Variants in MKLN1 observed in about 807,000 individuals in gnomAD.
MKLN1 encodes the protein muskelin 1.
In MKLN1, 18 loss-of-function variants were observed where a neutral mutation model predicts 99.0. The observed-to-expected ratio is 0.18, with a 90% confidence interval of 0.13 to 0.27. MKLN1 has a LOEUF of 0.27. Ranked by LOEUF, MKLN1 falls within the 10% of genes least tolerant of loss-of-function variation. The pLI is 1.00. For missense variants in MKLN1, 621 were observed against 875.9 expected, an observed-to-expected ratio of 0.71 and a Z score of 3.67; for synonymous variants, 288 against 293.2, an observed-to-expected ratio of 0.98 and a Z score of 0.18.
intron 3 of MKLN1, among the ~76,000 whole-genome samples, chr7:131,207,188 G>A (rs995871396): frequency 6.6e-6 from 1 of 152,074 alleles, no homozygotes; most frequent in African/African-American, 2.4e-5. Context: ...GATTCTATGT[G>A]TGTTATTTAT....
chr7:131,131,380 TAA>T (rs1795549318), intron 1 of MKLN1, among the ~76,000 whole-genome samples: 1 of 152,010 alleles, frequency 6.6e-6, no homozygotes, highest in African/African-American at 2.4e-5. Context: ...TGTCTCAAAT[TAA>T]AAAGTGCAGA....
chr7:131,345,180 A>T (rs1799522757), intron 1 of MKLN1, among the ~76,000 whole-genome samples: 1 of 152,228 alleles, frequency 6.6e-6, no homozygotes, highest in Admixed American at 6.5e-5. Context: ...TGGTAAAAAA[A>T]ATTAGTAGTA....
chr7:131,162,440 G>A (rs1796069238), intron 2 of MKLN1, among the ~76,000 whole-genome samples: 2 of 152,156 alleles, frequency 1.3e-5, no homozygotes, highest in South Asian at 4.1e-4. Flanking sequence ...TGAGCGTCAG[G>A]AATGATGTTG....
chr7:131,168,986 A>C (rs1796176831), intron 2 of MKLN1, among the ~76,000 whole-genome samples: 1 of 151,638 alleles, frequency 6.6e-6, no homozygotes, highest in Non-Finnish European at 1.5e-5. Context: ...GTGTGCCTTA[A>C]CCTCCCCAGT....
At chr7:131,248,901 A>C (rs954066748) in intron 3 of MKLN1, among the ~76,000 whole-genome samples, 1 of 152,222 alleles carries the variant, frequency 6.6e-6, no homozygotes, top group Non-Finnish European at 1.5e-5. Flanking sequence ...GAATCCATAT[A>C]CATTCAAGTC....
rs372969120 is a variant in MKLN1 at position 131,472,880 on chromosome 7, G to A, written c.2031+1936G>A. ...GTAGAATTGCATGAACCCGGGATGC[G>A]GAGCTTGCAGTGAGCTGAGATCGTG... On this transcript the variant is annotated intron_variant, in intron 16 of 17. Coordinates refer to ENST00000352689, the MANE Select transcript of MKLN1 (RefSeq NM_013255.5). 1.0e-3 allele frequency among the ~76,000 whole-genome samples: 155 copies of A among 150,778 alleles called. 1 individual carries two copies. Among genetic ancestry groups the A allele is most frequent in the African/African-American group, 3.6e-3 (148 of 41,014 alleles).
rs1212533786 is a variant in MKLN1, at chr7:131,218,395, T to C, written c.-179+15421T>C. 2.6e-5 allele frequency among the ~76,000 whole-genome samples: 4 copies of C among 152,316 alleles called. No homozygotes were observed. In the East Asian group the frequency reaches 7.7e-4, roughly 29 times the overall value. On this transcript the variant is annotated intron_variant, in intron 3 of 7. Transcript: ENST00000416992. ...TGTCACAATTCTAACCTTGTGGACT[T>C]ACGTTAGTTATATGAAAGTGGTTTT...
intron 3 of MKLN1, among the ~76,000 whole-genome samples, chr7:131,259,856 G>T (rs1797708064): frequency 6.6e-6 from 1 of 152,128 alleles, no homozygotes; most frequent in Admixed American, 6.6e-5. Context: ...AGCCAGAGCA[G>T]TCAGGCAAGA....
At position 131,411,395 on chromosome 7, in the gene MKLN1, C is replaced by T; in HGVS notation, c.781+12C>T. The T allele has an allele frequency of 1.3e-6, 2 of 1,564,044 alleles. No homozygotes were observed. Among genetic ancestry groups the T allele is most frequent in the South Asian group, 1.1e-5 (1 of 89,936 alleles). On this transcript the variant is annotated intron_variant, in intron 7 of 17. Coordinates refer to ENST00000352689, the MANE Select transcript of MKLN1 (RefSeq NM_013255.5). Reference sequence around the variant, plus strand: ...CAAAAGTACCAAAGGTAAGCCATACCTTCTAGATTGTAGTTCTTTTTCATT... The same window carrying T: ...CAAAAGTACCAAAGGTAAGCCATACTTTCTAGATTGTAGTTCTTTTTCATT...
chr7:131,422,596 CT>C (rs1253913656), intron 8 of MKLN1, among the ~76,000 whole-genome samples: 3 of 152,116 alleles, frequency 2.0e-5, no homozygotes, highest in Non-Finnish European at 4.4e-5. Context: ...TAGAGTAAAA[CT>C]TCATAAAGTT....
At chr7:131,204,239 A>C (rs553912528) in intron 3 of MKLN1, among the ~76,000 whole-genome samples, 2 of 152,318 alleles carry the variant, frequency 1.3e-5, no homozygotes, top group Admixed American at 6.5e-5. Flanking sequence ...ATCTTGGTCT[A>C]CTTGGGGAAT....
intron 1 of MKLN1, among the ~76,000 whole-genome samples, chr7:131,339,592 G>C (rs1029887681): frequency 6.6e-6 from 1 of 151,988 alleles, no homozygotes; most frequent in East Asian, 1.9e-4. Context: ...CCAGCTGTTT[G>C]GGAGGCTGAG....
At chr7:131,397,150 GC>G in intron 4 of MKLN1, 116 bp from the exon 5 acceptor site, 1 of 646,852 alleles carries the variant, frequency 1.5e-6, no homozygotes, top group Non-Finnish European at 2.6e-6. Flanking sequence ...TATAAAAGAT[GC>G]CCAGAAAATT....
chr7:131,396,003 G>A (rs1794347925), intron 4 of MKLN1, among the ~76,000 whole-genome samples: 1 of 151,634 alleles, frequency 6.6e-6, no homozygotes, highest in South Asian at 2.1e-4. Context: ...GGTTATTGTA[G>A]GTATAGGAAA....
upstream of MKLN1, chr7:131,327,721 G>A (rs1175403645): frequency 8.6e-7 from 1 of 1,164,036 alleles, no homozygotes; most frequent in East Asian, 2.7e-5. Flanking sequence ...GTCAAGGAGC[G>A]AGCGACGTGG....
intron 3 of MKLN1, among the ~76,000 whole-genome samples, chr7:131,306,586 T>G (rs979366214): frequency 6.6e-6 from 1 of 152,200 alleles, no homozygotes; most frequent in Non-Finnish European, 1.5e-5. Flanking sequence ...TAGAGAGCTG[T>G]GAAGCTATAA....
At chr7:131,378,684 G>A (rs532952762) in intron 2 of MKLN1, among the ~76,000 whole-genome samples, 51 of 152,182 alleles carry the variant, frequency 3.4e-4, no homozygotes, top group African/African-American at 1.0e-3. Flanking sequence ...ACAAAAAGTA[G>A]TCGGGCATGG....
intron 9 of MKLN1, among the ~76,000 whole-genome samples, chr7:131,429,502 C>T (rs1795459830): frequency 1.3e-5 from 2 of 152,152 alleles, no homozygotes; most frequent in South Asian, 2.1e-4. Flanking sequence ...TTTATTTCTT[C>T]TGGAATATTG....
intron 12 of MKLN1, among the ~76,000 whole-genome samples, chr7:131,459,357 A>G (rs1029186070): frequency 1.3e-5 from 2 of 152,144 alleles, no homozygotes; most frequent in African/African-American, 4.8e-5. Flanking sequence ...AGTTTTTAGA[A>G]TTTAAAAGTC....
Sources: allele counts gnomAD v4.1 joint callset (sites outside exome capture counted in the v4.1 genomes callset), GRCh38; gene constraint gnomAD v4.1.1; transcripts MANE v1.5; gene names NCBI Gene and HGNC (gene_info 2026-07-23, HGNC 2026-07-21).